The following OPCML variants were observed in gnomAD, a reference collection of about 807,000 sequenced individuals.
OPCML encodes the protein opioid-binding protein/cell adhesion molecule.
OPCML carries 13 observed loss-of-function variants against 37.8 expected under a neutral mutation model. The observed-to-expected ratio is 0.34, with a 90% confidence interval of 0.22 to 0.55. The LOEUF is 0.55. Among genes scored for constraint, OPCML ranks in the 20% least tolerant of loss-of-function variants. OPCML has a pLI of 0.91. For missense variants in OPCML, 341 were observed against 435.6 expected (o/e 0.78, Z 1.93); for synonymous variants, 176 against 168.8 (o/e 1.04, Z -0.33).
intron 1 of OPCML, among the ~76,000 whole-genome samples, chr11:133,480,330 C>T (rs1947347464): frequency 6.6e-6 from 1 of 152,222 alleles, no homozygotes; most frequent in Non-Finnish European, 1.5e-5. Flanking sequence ...GGTTGCCTGC[C>T]TTGTCCTTGT....
chr11:133,186,275 T>C (rs1287400071), intron 1 of OPCML, among the ~76,000 whole-genome samples: 2 of 152,130 alleles, frequency 1.3e-5, no homozygotes, highest in East Asian at 1.9e-4. Flanking sequence ...AGGGATACAA[T>C]AGAAAGAAAG....
intron 2 of OPCML, among the ~76,000 whole-genome samples, chr11:132,921,996 C>T (rs993628764): frequency 1.3e-5 from 2 of 152,074 alleles, no homozygotes; most frequent in African/African-American, 2.4e-5. Flanking sequence ...TCTCCTGCCT[C>T]AGCCTCCTGA....
rs756555973 is a variant in OPCML at position 132,943,055 on chromosome 11, C to T, written c.62-45G>A. On this transcript the variant is annotated intron_variant, in intron 1 of 7. Coordinates refer to ENST00000524381, the MANE Select transcript of OPCML (RefSeq NM_001012393.5). This position sits in a 1 kb window ranked among gnomAD's most constrained non-coding sequence, Gnocchi z 4.3. ...CAGCCTGAGAGACACGACCACGAGGCACTTCCAGGGCAGGAACAGGTACCC... is the reference window on the plus strand; with the variant it reads ...CAGCCTGAGAGACACGACCACGAGGTACTTCCAGGGCAGGAACAGGTACCC... The T allele has an allele frequency of 8.1e-6, 13 of 1,614,072 alleles. No homozygotes were observed. The African/African-American group carries it at 1.7e-4, about 22-fold the overall frequency.
chr11:133,395,701 T>C (rs556092950), intron 1 of OPCML, among the ~76,000 whole-genome samples: 18 of 152,342 alleles, frequency 1.2e-4, no homozygotes, highest in Admixed American at 6.5e-4. Flanking sequence ...TGTAGGTAGA[T>C]GAATCTGTTT....
At chr11:132,734,088 A>G (rs1945173613) in intron 2 of OPCML, among the ~76,000 whole-genome samples, 1 of 152,222 alleles carries the variant, frequency 6.6e-6, no homozygotes, top group Non-Finnish European at 1.5e-5. Flanking sequence ...ACTAGATACA[A>G]TAACCTATCT....
At position 133,177,307 on chromosome 11, in the gene OPCML, G is replaced by A. The variant is rs369702772; in HGVS notation, c.62-234297C>T. The stretch of plus-strand genomic sequence containing the variant: ...GGAAATAAAGCTGGATGACTTTGAA[G>A]GACTTTTTAAGATTCTATCATTTGA... On this transcript the variant is annotated intron_variant, in intron 1 of 7. Transcript: ENST00000524381. The surrounding 1 kb of genome is among the most constrained non-coding windows in gnomAD (Gnocchi z 5.0). 3.9e-5 allele frequency among the ~76,000 whole-genome samples: 6 copies of A among 152,246 alleles called. No individual in the cohort carries two copies. In the East Asian group the frequency reaches 7.7e-4, roughly 20 times the overall value.
At chr11:133,358,132 G>A (rs1042439644) in intron 1 of OPCML, among the ~76,000 whole-genome samples, 1 of 152,070 alleles carries the variant, frequency 6.6e-6, no homozygotes, top group Admixed American at 6.6e-5. Flanking sequence ...TTCTCCAATG[G>A]GTGAATTGAA....
chr11:132,579,172 T>A (rs962301594), intron 3 of OPCML, among the ~76,000 whole-genome samples: 2 of 152,124 alleles, frequency 1.3e-5, no homozygotes, highest in African/African-American at 4.8e-5. Context: ...TCATGGGTGC[T>A]AGCAAAGTCT....
At chr11:133,153,488 C>T (rs973745017) in intron 1 of OPCML, among the ~76,000 whole-genome samples, 42 of 152,172 alleles carry the variant, frequency 2.8e-4, no homozygotes, top group African/African-American at 9.9e-4. Context: ...TGCCTTGGAA[C>T]CCATCTTAGC....
At chr11:133,006,673 C>G (rs1947119425) in intron 1 of OPCML, 1 of 985,308 alleles carries the variant, frequency 1.0e-6, no homozygotes, top group African/African-American at 1.7e-5. Flanking sequence ...TTCCCTGATC[C>G]CACATGTCTG....
At chr11:133,225,873 T>C (rs1184764375) in intron 1 of OPCML, among the ~76,000 whole-genome samples, 1 of 152,232 alleles carries the variant, frequency 6.6e-6, no homozygotes, top group Non-Finnish European at 1.5e-5. Context: ...GTAACTATAG[T>C]GATTAACATT....
intron 1 of OPCML, among the ~76,000 whole-genome samples, chr11:133,276,314 C>G (rs1482710759): frequency 6.6e-6 from 1 of 151,952 alleles, no homozygotes; most frequent in Middle Eastern, 3.2e-3. Flanking sequence ...GAACAGAGAA[C>G]CTGAAAGAGC....
chr11:132,489,203 C>G (rs1306343788), intron 4 of OPCML, among the ~76,000 whole-genome samples: 5 of 152,066 alleles, frequency 3.3e-5, no homozygotes, highest in African/African-American at 1.2e-4. Context: ...TAGACCTACA[C>G]AGGGTCAGGA....
chr11:133,007,701 G>A (rs1482714352), intron 1 of OPCML: 2 of 985,304 alleles, frequency 2.0e-6, no homozygotes, highest in African/African-American at 3.5e-5. Context: ...AATTAAGCCA[G>A]AAAAAGTTCA....
chr11:132,889,142 A>G (rs112667108), intron 2 of OPCML, among the ~76,000 whole-genome samples: 1 of 152,332 alleles, frequency 6.6e-6, no homozygotes, highest in African/African-American at 2.4e-5. Flanking sequence ...TGCAACTTTA[A>G]GTGATATTTT....
At chr11:133,444,583 CA>C (rs926209021) in intron 1 of OPCML, among the ~76,000 whole-genome samples, 1 of 151,882 alleles carries the variant, frequency 6.6e-6, no homozygotes, top group African/African-American at 2.4e-5. Context: ...TTGCTTTGGA[CA>C]AGAAAAATTT....
chr11:132,924,235 T>TTGGGGGA (rs1365025150), intron 2 of OPCML, among the ~76,000 whole-genome samples: 1 of 152,052 alleles, frequency 6.6e-6, no homozygotes, highest in Non-Finnish European at 1.5e-5. Context: ...CTGTAAATGC[T>TTGGGGGA]TGGGGGATGG....
At chr11:132,705,403 C>T (rs533215373) in intron 2 of OPCML, among the ~76,000 whole-genome samples, 3 of 151,948 alleles carry the variant, frequency 2.0e-5, no homozygotes, top group East Asian at 3.9e-4. Context: ...CCAGTCTGGG[C>T]AACATGGCAA....
chr11:132,532,659 C>T (rs2137312615), intron 3 of OPCML, among the ~76,000 whole-genome samples: 1 of 152,222 alleles, frequency 6.6e-6, no homozygotes, highest in East Asian at 1.9e-4. Flanking sequence ...AGCGTTCATG[C>T]ATTTGTGTGC....
Sources: allele counts gnomAD v4.1 joint callset (sites outside exome capture counted in the v4.1 genomes callset), GRCh38; gene constraint gnomAD v4.1.1; non-coding constraint Gnocchi (gnomAD v3.1); transcripts MANE v1.5; gene names NCBI Gene and HGNC (gene_info 2026-07-23, HGNC 2026-07-21).